The following SS18 variants were observed in gnomAD, a reference collection of about 807,000 sequenced individuals.
SS18 encodes the protein protein SSXT.
Under a neutral mutation model 72.5 loss-of-function variants are expected in SS18, and 28 were observed. That is an observed-to-expected ratio of 0.39 (90% CI 0.29 to 0.53). SS18 has a LOEUF of 0.53. SS18 is among the 20% of genes least tolerant of loss of function. The pLI, the probability that SS18 is intolerant of heterozygous loss-of-function variation, is 0.76. For missense variants in SS18, 518 were observed against 535.3 expected (o/e 0.97, Z 0.32); for synonymous variants, 172 against 164.2 (o/e 1.05, Z -0.37).
chr18:26,077,678 C>T (rs1436495087), intron 3 of SS18, among the ~76,000 whole-genome samples: 1 of 152,098 alleles, frequency 6.6e-6, no homozygotes, highest in African/African-American at 2.4e-5. Context: ...TATTGTAAGA[C>T]AGAAAGAAAT....
chr18:26,082,379 TTTA>T (rs1466246833), intron 2 of SS18: 16 of 950,238 alleles, frequency 1.7e-5, no homozygotes, highest in Admixed American at 6.2e-5. Context: ...GCTATGAATA[TTTA>T]TTAGACAACG....
In SS18 at chr18:26,066,773, T is replaced by C. The variant is rs529829494; in HGVS notation, c.232-9031A>G. ...ATTTGAAAAAGAAGGTAGGCAATGA[T>C]GTTGGTAAAATGCTCCGTATAGTAT... On this transcript the variant is annotated intron_variant, in intron 3 of 10. Coordinates refer to ENST00000415083, the MANE Select transcript of SS18 (RefSeq NM_001007559.3). Among the ~76,000 whole-genome samples the C allele has an allele frequency of 2.0e-5, 3 of 152,284 alleles. No individual in the cohort carries two copies. The South Asian group carries it at 6.2e-4, about 32-fold the overall frequency.
At chr18:26,078,355 C>T in intron 2 of SS18, 195 bp from the exon 3 acceptor site, 1 of 469,824 alleles carries the variant, frequency 2.1e-6, no homozygotes, top group South Asian at 3.5e-5. Flanking sequence ...GAGATCTTGC[C>T]ATGTATGCTA....
rs371087847 is a variant in SS18, at chr18:26,057,860, C to T, written c.232-118G>A. ...TAAGAACAAAAACACAAATGCATTTCGAATTCTTCTAATGCATTTTCATCA... is the reference window on the plus strand; with the variant it reads ...TAAGAACAAAAACACAAATGCATTTTGAATTCTTCTAATGCATTTTCATCA... On this transcript the variant is annotated intron_variant, in intron 3 of 10. Transcript: ENST00000415083. The T allele has an allele frequency of 3.8e-4, 362 of 946,398 alleles. 5 individuals are homozygous for T. The South Asian group carries it at 8.6e-3, about 23-fold the overall frequency. 58.6% of individuals were successfully genotyped at this position (946,398 alleles called of 1,614,324 possible).
intron 5 of SS18, among the ~76,000 whole-genome samples, chr18:26,050,199 C>T (rs945140070): frequency 3.0e-4 from 45 of 151,128 alleles, no homozygotes; most frequent in African/African-American, 8.8e-4. Context: ...TGCACTTCTG[C>T]ACTCCAGCCT....
rs551137806 is a variant in SS18 at position 26,016,544 on chromosome 18, G to A, written c.*1810C>T. The A allele has an allele frequency of 4.4e-5, 8 of 180,978 alleles. No individual in the cohort carries two copies. Among genetic ancestry groups the A allele is most frequent in the South Asian group, 2.0e-4 (1 of 5,072 alleles). 11.2% of individuals were successfully genotyped at this position (180,978 alleles called of 1,614,324 possible). The stretch of plus-strand genomic sequence containing the variant: ...TCGAGACCAGCCTGGCCAACATGGC[G>A]AAACCTCGTCTCTACTAAAAGTACA... On this transcript the variant is annotated 3_prime_UTR_variant, in exon 11 of 11. Coordinates refer to ENST00000415083, the MANE Select transcript of SS18 (RefSeq NM_001007559.3).
At chr18:26,047,259 CAAAA>C (rs71169806) in intron 5 of SS18, among the ~76,000 whole-genome samples, 3 of 75,716 alleles carry the variant, frequency 4.0e-5, no homozygotes, top group Non-Finnish European at 5.6e-5. Context: ...AGTAATATGC[CAAAA>C]AAAAAAAAAA....
intron 3 of SS18, among the ~76,000 whole-genome samples, chr18:26,065,534 A>AAT (rs1213100380): frequency 6.6e-6 from 1 of 152,046 alleles, no homozygotes; most frequent in African/African-American, 2.4e-5. Flanking sequence ...TTTAATTTGC[A>AAT]ATGGATCATG....
chr18:26,086,738 C>G (rs955586478), intron 2 of SS18, among the ~76,000 whole-genome samples: 1 of 152,200 alleles, frequency 6.6e-6, no homozygotes, highest in African/African-American at 2.4e-5. Context: ...GAATGACAAT[C>G]AGTTCTCTAT....
At position 26,090,604 on chromosome 18, in the gene SS18, C is replaced by T. The variant is rs1417821290; in HGVS notation, c.-35G>A. 6.4e-7 allele frequency: 1 copy of T among 1,553,978 alleles called. No individual in the cohort carries two copies. On this transcript the variant is annotated 5_prime_UTR_variant, in exon 1 of 11. Coordinates refer to ENST00000415083, the MANE Select transcript of SS18 (RefSeq NM_001007559.3). ...GTCACCACTATCGGCAAGTCCCGAG[C>T]GCTCCGGGTGAACGGCAAACTGGGG...
At chr18:26,030,166 A>G (rs1049597346) in intron 10 of SS18, among the ~76,000 whole-genome samples, 2 of 152,164 alleles carry the variant, frequency 1.3e-5, no homozygotes, top group Non-Finnish European at 2.9e-5. Context: ...AAGTCCCCTA[A>G]TACGGCTTGT....
chr18:26,050,397 G>A (rs1343557979), intron 5 of SS18, among the ~76,000 whole-genome samples: 2 of 151,824 alleles, frequency 1.3e-5, no homozygotes, highest in African/African-American at 4.8e-5. Context: ...AAAATATGCA[G>A]CTTATTTTTA....
At chr18:26,087,695 G>A (rs900297020) in intron 1 of SS18, 118 bp from the exon 2 acceptor site, 14 of 579,994 alleles carry the variant, frequency 2.4e-5, no homozygotes, top group East Asian at 8.8e-5. Flanking sequence ...ACTCTAAAGC[G>A]TATCCCTTAA....
At chr18:26,020,737 A>G (rs1432317550) in intron 10 of SS18, among the ~76,000 whole-genome samples, 1 of 152,244 alleles carries the variant, frequency 6.6e-6, no homozygotes, top group Non-Finnish European at 1.5e-5. Context: ...AGGTTAACAC[A>G]GCCTAAATTA....
At chr18:26,084,048 C>G (rs1373324900) in intron 2 of SS18, 1 of 151,952 alleles carries the variant, frequency 6.6e-6, no homozygotes, top group Non-Finnish European at 1.5e-5. Flanking sequence ...GGGTGACTAC[C>G]CACCTGCACA....
intron 3 of SS18, among the ~76,000 whole-genome samples, chr18:26,062,604 T>G (rs2144050094): frequency 6.6e-6 from 1 of 152,244 alleles, no homozygotes; most frequent in Admixed American, 6.5e-5. Flanking sequence ...AACAAATACA[T>G]TAGATTGGAT....
intron 3 of SS18, among the ~76,000 whole-genome samples, chr18:26,066,833 T>C (rs1018776736): frequency 9.8e-5 from 15 of 152,312 alleles, no homozygotes; most frequent in African/African-American, 3.1e-4. Context: ...AGACAAATTA[T>C]CTATGAAATA....
chr18:26,090,213 C>G, intron 1 of SS18: 1 of 466,190 alleles, frequency 2.1e-6, no homozygotes, highest in Non-Finnish European at 3.8e-6. Context: ...GCACGCGCCC[C>G]GCAGCCCGAA....
Position 26,038,580 on chromosome 18 carries a change from G to A in SS18, c.855C>T (p.Gly285=), listed in dbSNP as rs2053665521. Reference sequence around the variant, plus strand: ...CATCAGGGTAATATTGCTGGTTCATGCCTTCTGGAGGACCTTGTCCACCAT... The same window carrying A: ...CATCAGGGTAATATTGCTGGTTCATACCTTCTGGAGGACCTTGTCCACCAT... ...YSHGGQGPPE[G]MNQQYYPDGH... is the part of the protein sequence containing the mutation. The change falls in exon 7 of 11, where the codon GGC becomes GGT. Residue 285 remains glycine (G), a synonymous_variant. Transcript: ENST00000415083. The A allele has an allele frequency of 4.3e-6, 7 of 1,613,348 alleles. No homozygotes were observed. Among genetic ancestry groups the A allele is most frequent in the Non-Finnish European group, 5.9e-6 (7 of 1,179,512 alleles).
Sources: gnomAD v4.1 joint callset for allele counts (sites outside exome capture counted in the v4.1 genomes callset) on GRCh38, gnomAD v4.1.1 for gene constraint, MANE v1.5 for transcripts, NCBI Gene and HGNC (gene_info 2026-07-23, HGNC 2026-07-21) for gene names.